The following FTO variants were observed in gnomAD, a reference collection of about 807,000 sequenced individuals.
The protein encoded by FTO is alpha-ketoglutarate-dependent dioxygenase FTO.
Under a neutral mutation model 63.9 loss-of-function variants are expected in FTO, and 47 were observed. That is an observed-to-expected ratio of 0.74 (90% CI 0.58 to 0.94). The LOEUF (loss-of-function observed/expected upper bound fraction) is 0.94, where lower values mean the gene tolerates loss of function less well. Ranked by LOEUF, FTO falls within the 40% of genes least tolerant of loss-of-function variation. The pLI is 0.00. For synonymous variants in FTO, 207 were observed against 224.4 expected, an observed-to-expected ratio of 0.92 and a Z score of 0.69; for missense variants, 562 against 618.1, an observed-to-expected ratio of 0.91 and a Z score of 0.96.
rs1430208391 is a variant in FTO, at chr16:54,120,963, G to C, written c.*9048G>C. 6.6e-6 allele frequency: 1 copy of C among 152,388 alleles called. No homozygotes were observed. Among genetic ancestry groups the C allele is most frequent in the East Asian group, 1.9e-4 (1 of 5,184 alleles). The allele number at this position is 152,388 out of a possible 1,614,324, so 9.4% of individuals were successfully genotyped here. A position where few individuals can be genotyped will look rare whatever the true frequency, so the allele number is the denominator to read the frequency against. ...GCCAAGATGCATCATTCAGAACACT[G>C]GCAGGTCAAGCAGAAACCACCGTAG... On this transcript the variant is annotated 3_prime_UTR_variant, in exon 9 of 9. Transcript: ENST00000471389.
At chr16:53,907,728 CT>C (rs768698933) in intron 7 of FTO, among the ~76,000 whole-genome samples, 9 of 152,206 alleles carry the variant, frequency 5.9e-5, no homozygotes, top group Admixed American at 1.3e-4. Context: ...ATCATGCTCC[CT>C]TCTTCTTCAG....
rs774373190 is a variant in FTO, at chr16:53,841,298, TA to T, written c.752-2851del. On this transcript the variant is annotated intron_variant, in intron 3 of 8. Transcript: ENST00000471389. ...TATCATTCTCATTCTAGAAGGTTTATAAAAAATGTTTTTTTAATTAACCTAG... is the reference window on the plus strand; with the variant it reads ...TATCATTCTCATTCTAGAAGGTTTATAAAAATGTTTTTTTAATTAACCTAG... 2.7e-4 allele frequency among the ~76,000 whole-genome samples: 41 copies of T among 152,018 alleles called. No individual in the cohort carries two copies. The East Asian group carries it at 7.0e-3, about 26-fold the overall frequency.
intron 1 of FTO, among the ~76,000 whole-genome samples, chr16:53,723,950 G>C (rs2076095308): frequency 6.6e-6 from 1 of 152,190 alleles, no homozygotes; most frequent in Admixed American, 6.5e-5. Flanking sequence ...GCTGAATTCA[G>C]CATCGTCTTG....
chr16:54,107,595 G>A (rs1250056840), intron 8 of FTO, among the ~76,000 whole-genome samples: 1 of 152,194 alleles, frequency 6.6e-6, no homozygotes, highest in Admixed American at 6.5e-5. Flanking sequence ...TCTCAGTTTG[G>A]AGAGACTATC....
At chr16:53,943,932 C>T (rs1421792885) in intron 8 of FTO, among the ~76,000 whole-genome samples, 2 of 152,154 alleles carry the variant, frequency 1.3e-5, no homozygotes, top group African/African-American at 4.8e-5. Flanking sequence ...CCAAGACCTG[C>T]GTCACTTTAA....
intron 2 of FTO, among the ~76,000 whole-genome samples, chr16:53,823,542 C>T (rs1338253868): frequency 7.1e-6 from 1 of 141,464 alleles, no homozygotes; most frequent in African/African-American, 2.6e-5. Context: ...TAGGTATCTT[C>T]AAGGCTGCAG....
At chr16:53,948,041 G>A (rs1020040602) in intron 8 of FTO, among the ~76,000 whole-genome samples, 5 of 152,284 alleles carry the variant, frequency 3.3e-5, no homozygotes, top group Middle Eastern at 3.4e-3. Context: ...TGGTGGTTTC[G>A]GTGGCAGGTT....
At chr16:53,807,108 T>A (rs923299311) in intron 1 of FTO, among the ~76,000 whole-genome samples, 5 of 152,262 alleles carry the variant, frequency 3.3e-5, no homozygotes, top group Non-Finnish European at 5.9e-5. Context: ...CTTCTCTTTA[T>A]GTTTGTAAAT....
intron 1 of FTO, among the ~76,000 whole-genome samples, chr16:53,788,044 T>C (rs2077796375): frequency 6.6e-6 from 1 of 152,178 alleles, no homozygotes; most frequent in South Asian, 2.1e-4. Flanking sequence ...GGATTGGTGT[T>C]GAAGATCAAC....
At chr16:53,829,016 G>A (rs1287622178) in intron 3 of FTO, among the ~76,000 whole-genome samples, 5 of 152,070 alleles carry the variant, frequency 3.3e-5, no homozygotes, top group Admixed American at 6.5e-5. Context: ...TCAGCTTCCC[G>A]AGTAGCTGGG....
At chr16:53,807,222 A>AT (rs1325304288) in intron 1 of FTO, among the ~76,000 whole-genome samples, 1 of 152,082 alleles carries the variant, frequency 6.6e-6, no homozygotes, top group Admixed American at 6.6e-5. Context: ...AAGCTGGATG[A>AT]TTTTCTGGTC....
chr16:54,114,905 A>G lies in FTO; in HGVS notation c.*2990A>G, dbSNP rs1251119827. 6.6e-6 allele frequency: 1 copy of G among 152,390 alleles called. No individual in the cohort carries two copies. The highest frequency in any genetic ancestry group is 6.5e-5 in the Admixed American group (1 of 15,286). 9.4% of individuals were successfully genotyped at this position (152,390 alleles called of 1,614,324 possible). On this transcript the variant is annotated 3_prime_UTR_variant, in exon 9 of 9. Transcript: ENST00000471389. ...GGCCACGGAGCGAGAGAAGAAAGAA[A>G]TGGTGACTTTCATTGATCATGTGTT...
rs1446022187 is a variant in FTO at position 53,932,072 on chromosome 16, G to T, written c.1240-1913G>T. On this transcript the variant is annotated intron_variant, in intron 7 of 8. Transcript: ENST00000471389. ...TCTGCTTAACTCATTCATGTTATGT[G>T]CCTGGCCCAGTGAGTATTTGAATTT... Among the ~76,000 whole-genome samples, 4 of 152,210 alleles carry T rather than the reference G, an allele frequency of 2.6e-5. No individual in the cohort carries two copies. In the East Asian group the frequency reaches 7.7e-4, roughly 29 times the overall value.
intron 7 of FTO, among the ~76,000 whole-genome samples, chr16:53,906,227 T>C (rs575621963): frequency 6.6e-6 from 1 of 152,328 alleles, no homozygotes; most frequent in East Asian, 1.9e-4. Flanking sequence ...ACAGATTTAA[T>C]TGGTCTAAGC....
chr16:54,120,984 C>T lies in FTO; in HGVS notation c.*9069C>T, dbSNP rs535909141. Reference sequence around the variant, plus strand: ...CACTGGCAGGTCAAGCAGAAACCACCGTAGTAAAATTGAAAGCTGGAGTCA... The same window carrying T: ...CACTGGCAGGTCAAGCAGAAACCACTGTAGTAAAATTGAAAGCTGGAGTCA... On this transcript the variant is annotated 3_prime_UTR_variant, in exon 9 of 9. Transcript: ENST00000471389. 4.6e-5 allele frequency: 7 copies of T among 152,558 alleles called. No homozygotes were observed. Among genetic ancestry groups the T allele is most frequent in the East Asian group, 1.9e-4 (1 of 5,176 alleles). The allele number at this position is 152,558 out of a possible 1,614,324, so 9.5% of individuals were successfully genotyped here. A position where few individuals can be genotyped will look rare whatever the true frequency, so the allele number is the denominator to read the frequency against.
At chr16:53,933,860 T>C in intron 7 of FTO, 125 bp from the exon 8 acceptor site, 1 of 938,744 alleles carries the variant, frequency 1.1e-6, no homozygotes, top group Admixed American at 2.4e-5. Flanking sequence ...ATTTACTGCA[T>C]TGATTTGTTA....
chr16:54,112,559 G>A lies in FTO; in HGVS notation c.*644G>A, dbSNP rs187896465. On this transcript the variant is annotated 3_prime_UTR_variant, in exon 9 of 9. Transcript: ENST00000471389. The stretch of plus-strand genomic sequence containing the variant: ...ACTTCTATAAAAAGTTTGAGAGCAG[G>A]AATTCTCATTTCCATTCGTCTGTAG... 1 of 152,568 alleles carries A rather than the reference G, an allele frequency of 6.6e-6. No homozygotes were observed. Among genetic ancestry groups the A allele is most frequent in the Non-Finnish European group, 1.5e-5 (1 of 68,264 alleles). The allele number at this position is 152,568 out of a possible 1,614,324, so 9.5% of individuals were successfully genotyped here. A position where few individuals can be genotyped will look rare whatever the true frequency, so the allele number is the denominator to read the frequency against.
In FTO at chr16:53,805,443, G is replaced by GT. The variant is rs10552956; in HGVS notation, c.46-4677dup. Reference sequence around the variant, plus strand: ...TAAACCCTTATGAGTTTGAGTTGTGGTTTTTTTTTTTTTTTTTTTTGAGAC... The same window carrying GT: ...TAAACCCTTATGAGTTTGAGTTGTGGTTTTTTTTTTTTTTTTTTTTTGAGAC... On this transcript the variant is annotated intron_variant, in intron 1 of 8. Transcript: ENST00000471389. 4.5e-3 allele frequency among the ~76,000 whole-genome samples: 493 copies of GT among 109,638 alleles called. 5 individuals carry two copies. The highest frequency in any genetic ancestry group is 0.025 in the Middle Eastern group (5 of 202). The allele number at this position is 109,638 out of a possible 152,430, so 71.9% of individuals were successfully genotyped here. A position where few individuals can be genotyped will look rare whatever the true frequency, so the allele number is the denominator to read the frequency against.
chr16:53,757,307 A>G (rs2076947411), intron 1 of FTO, among the ~76,000 whole-genome samples: 1 of 152,140 alleles, frequency 6.6e-6, no homozygotes, highest in African/African-American at 2.4e-5. Flanking sequence ...ATGTTGTACA[A>G]GAGATCTCTT....
Sources: gnomAD v4.1 joint callset for allele counts (sites outside exome capture counted in the v4.1 genomes callset) on GRCh38, gnomAD v4.1.1 for gene constraint, MANE v1.5 for transcripts, NCBI Gene and HGNC (gene_info 2026-07-23, HGNC 2026-07-21) for gene names.